The following SND1 variants were observed in gnomAD, a reference collection of about 807,000 sequenced individuals.
The protein encoded by SND1 is staphylococcal nuclease and tudor domain containing 1.
SND1 carries 38 observed loss-of-function variants against 121.7 expected under a neutral mutation model. The observed-to-expected ratio is 0.31, with a 90% CI of 0.24 to 0.41. The LOEUF (loss-of-function observed/expected upper bound fraction) is 0.41, where lower values mean the gene tolerates loss of function less well. Ranked by LOEUF, SND1 falls within the 10% of genes least tolerant of loss-of-function variation. SND1 has a pLI of 1.00. For missense variants in SND1, 868 were observed against 1,184.6 expected (o/e 0.73, Z 3.92); for synonymous variants, 401 against 447.4 (o/e 0.90, Z 1.31).
intron 13 of SND1, among the ~76,000 whole-genome samples, chr7:127,894,604 T>C (rs1462224082): frequency 6.6e-6 from 1 of 152,110 alleles, no homozygotes; most frequent in African/African-American, 2.4e-5. Context: ...ATAAGAAAAT[T>C]TCATTTCTAT....
At chr7:127,721,706 A>G (rs1305186595) in intron 10 of SND1, among the ~76,000 whole-genome samples, 1 of 152,062 alleles carries the variant, frequency 6.6e-6, no homozygotes, top group Non-Finnish European at 1.5e-5. Flanking sequence ...AATTAACAAG[A>G]TCTTATTTTT....
At chr7:127,712,956 A>G (rs1460440881) in intron 9 of SND1, among the ~76,000 whole-genome samples, 2 of 152,234 alleles carry the variant, frequency 1.3e-5, no homozygotes, top group African/African-American at 4.8e-5. Flanking sequence ...TCTCCAAGTA[A>G]TTGGCAGTTA....
intron 16 of SND1, among the ~76,000 whole-genome samples, chr7:128,038,357 C>T (rs1343392642): frequency 6.6e-6 from 1 of 152,218 alleles, no homozygotes; most frequent in Non-Finnish European, 1.5e-5. Context: ...CCCAGTTCTG[C>T]CTCTTACATA....
chr7:127,723,221 C>A (rs1281433283), intron 10 of SND1, among the ~76,000 whole-genome samples: 1 of 152,110 alleles, frequency 6.6e-6, no homozygotes, highest in African/African-American at 2.4e-5. Flanking sequence ...TATTTTTAGT[C>A]CCAGTATCCT....
intron 3 of SND1, among the ~76,000 whole-genome samples, chr7:127,698,166 C>T (rs1454993911): frequency 6.6e-6 from 1 of 152,104 alleles, no homozygotes; most frequent in South Asian, 2.1e-4. Context: ...AGCCTGTGTT[C>T]TCTCAGTATC....
chr7:127,755,145 T>C (rs1023716154), intron 10 of SND1, among the ~76,000 whole-genome samples: 2 of 152,182 alleles, frequency 1.3e-5, no homozygotes, highest in Non-Finnish European at 2.9e-5. Flanking sequence ...ATAACTGATA[T>C]CTACTTCCTG....
At chr7:128,065,119 T>C (rs1793290284) in intron 16 of SND1, among the ~76,000 whole-genome samples, 1 of 152,188 alleles carries the variant, frequency 6.6e-6, no homozygotes, top group Non-Finnish European at 1.5e-5. Flanking sequence ...AAGAGTTAGA[T>C]GCCGGTGAAA....
intron 10 of SND1, among the ~76,000 whole-genome samples, chr7:127,751,707 C>A (rs942447396): frequency 6.6e-6 from 1 of 152,198 alleles, no homozygotes; most frequent in African/African-American, 2.4e-5. Flanking sequence ...AATCTGTGGG[C>A]TGGGCAGGGT....
chr7:127,823,174 G>A (rs1156752721), intron 11 of SND1, among the ~76,000 whole-genome samples: 1 of 152,174 alleles, frequency 6.6e-6, no homozygotes, highest in African/African-American at 2.4e-5. Context: ...TACAGAGTGA[G>A]TTCTTAAGAG....
At chr7:127,776,966 C>T (rs1055083687) in intron 10 of SND1, among the ~76,000 whole-genome samples, 17 of 152,254 alleles carry the variant, frequency 1.1e-4, no homozygotes, top group African/African-American at 4.1e-4. Context: ...AGGGAAAGCA[C>T]ATTCCTCTTC....
intron 15 of SND1, among the ~76,000 whole-genome samples, chr7:127,945,469 T>TG (rs1801309254): frequency 6.6e-6 from 1 of 151,672 alleles, no homozygotes; most frequent in African/African-American, 2.4e-5. Flanking sequence ...CCAGCCTGGG[T>TG]GACAGAGCGA....
intron 16 of SND1, among the ~76,000 whole-genome samples, chr7:128,025,588 A>G (rs757663399): frequency 1.3e-5 from 2 of 152,210 alleles, no homozygotes; most frequent in Non-Finnish European, 2.9e-5. Flanking sequence ...GCCAAGGATG[A>G]GTCACAGCAT....
At chr7:127,770,235 G>A (rs1797491111) in intron 10 of SND1, among the ~76,000 whole-genome samples, 3 of 152,108 alleles carry the variant, frequency 2.0e-5, no homozygotes, top group South Asian at 2.1e-4. Context: ...GTGGAGACAC[G>A]AAAATGTTTC....
At chr7:128,010,740 G>A (rs1230575256) in intron 16 of SND1, among the ~76,000 whole-genome samples, 2 of 152,242 alleles carry the variant, frequency 1.3e-5, no homozygotes, top group African/African-American at 4.8e-5. Context: ...GGTCCATAAA[G>A]CAAGAGGGGT....
In SND1 at chr7:127,796,092, T is replaced by C. The variant is rs939763956; in HGVS notation, c.1153-11392T>C. ...CAGGATGGTCTCGATCTCCTGACCT[T>C]GTGATCCGCCCTCCTTGGCCTCCCA... On this transcript the variant is annotated intron_variant, in intron 10 of 23. Transcript: ENST00000354725. 3.8e-4 allele frequency among the ~76,000 whole-genome samples: 57 copies of C among 151,972 alleles called. 1 individual carries two copies. Among genetic ancestry groups the C allele is most frequent in the Admixed American group, 1.9e-3 (29 of 15,242 alleles).
chr7:128,082,580 C>T (rs1270542853), intron 18 of SND1, among the ~76,000 whole-genome samples: 1 of 152,174 alleles, frequency 6.6e-6, no homozygotes, highest in East Asian at 1.9e-4. Flanking sequence ...CACGAGCCTG[C>T]GGGATTAGGT....
chr7:127,770,190 T>TA (rs1797490359), intron 10 of SND1, among the ~76,000 whole-genome samples: 1 of 152,200 alleles, frequency 6.6e-6, no homozygotes, highest in African/African-American at 2.4e-5. Context: ...CTATAGAACT[T>TA]AAATATTTTT....
rs183216736 is a variant in SND1 at position 127,959,887 on chromosome 7, C to T, written c.1669+30558C>T. Among the ~76,000 whole-genome samples, 42 of 152,264 alleles carry T rather than the reference C, an allele frequency of 2.8e-4. No individual in the cohort carries two copies. The East Asian group carries it at 7.9e-3, about 29-fold the overall frequency. ...AATTGGCTCTAGTAGCCATGGTATT[C>T]CCCTATGATATGGAAATCTATGTTG... On this transcript the variant is annotated intron_variant, in intron 15 of 23. Transcript: ENST00000354725.
At chr7:128,032,375 A>AGGGCGAGC (rs1282329274) in intron 16 of SND1, among the ~76,000 whole-genome samples, 5 of 143,330 alleles carry the variant, frequency 3.5e-5, no homozygotes, top group South Asian at 2.5e-4. Flanking sequence ...GAGCGGGGCC[A>AGGGCGAGC]GGGCGAGCGG....
Sources: allele counts gnomAD v4.1 joint callset (sites outside exome capture counted in the v4.1 genomes callset), GRCh38; gene constraint gnomAD v4.1.1; transcripts MANE v1.5; gene names NCBI Gene and HGNC (gene_info 2026-07-23, HGNC 2026-07-21).